The following LARS2 variants were observed in gnomAD, a reference collection of about 807,000 sequenced individuals.
LARS2 encodes leucyl-tRNA synthetase 2, mitochondrial, also known as leucine--tRNA ligase, mitochondrial.
LARS2 carries 81 observed loss-of-function variants against 116.6 expected under a neutral mutation model. That is an observed-to-expected ratio of 0.69 (90% CI 0.58 to 0.84). LARS2 has a LOEUF of 0.84. Among genes scored for constraint, LARS2 ranks in the 40% least tolerant of loss-of-function variants. The pLI, the probability that LARS2 is intolerant of heterozygous loss-of-function variation, is 0.00. For missense variants in LARS2, 968 were observed against 1,114.5 expected, an observed-to-expected ratio of 0.87 and a Z score of 1.87; for synonymous variants, 396 against 407.2, an observed-to-expected ratio of 0.97 and a Z score of 0.33.
intron 4 of LARS2, among the ~76,000 whole-genome samples, chr3:45,415,984 C>G (rs1255435844): frequency 6.8e-6 from 1 of 147,330 alleles, no homozygotes; most frequent in Non-Finnish European, 1.5e-5. Flanking sequence ...TTACTTTTAT[C>G]CAGTCTCAAA....
At chr3:45,530,719 C>T (rs1320836870) in intron 20 of LARS2, among the ~76,000 whole-genome samples, 5 of 152,088 alleles carry the variant, frequency 3.3e-5, no homozygotes, top group Non-Finnish European at 7.3e-5. Flanking sequence ...GAAGTTATTC[C>T]ATCTTCCACT....
At chr3:45,430,080 C>T (rs1461696356) in intron 6 of LARS2, among the ~76,000 whole-genome samples, 1 of 130,512 alleles carries the variant, frequency 7.7e-6, no homozygotes. Flanking sequence ...GGCGCGATCT[C>T]GGCTCCCTGC....
intron 9 of LARS2, among the ~76,000 whole-genome samples, chr3:45,476,058 A>G (rs1699602970): frequency 1.1e-5 from 1 of 88,820 alleles, no homozygotes; most frequent in South Asian, 5.9e-4. Flanking sequence ...TTAGAAAAGT[A>G]GATGCCTTTT....
chr3:45,451,746 CATTGAT>C (rs1382957099), intron 7 of LARS2, among the ~76,000 whole-genome samples: 4 of 151,928 alleles, frequency 2.6e-5, no homozygotes, highest in Non-Finnish European at 5.9e-5. Flanking sequence ...TAAATAATGT[CATTGAT>C]ATTCTGATAG....
intron 10 of LARS2, among the ~76,000 whole-genome samples, chr3:45,482,120 C>A (rs996515169): frequency 1.3e-5 from 2 of 152,158 alleles, no homozygotes; most frequent in African/African-American, 2.4e-5. Flanking sequence ...GCTGCTTCTG[C>A]CTCTTTATTT....
At chr3:45,521,261 C>T (rs370677952) in intron 19 of LARS2, among the ~76,000 whole-genome samples, 5 of 152,220 alleles carry the variant, frequency 3.3e-5, no homozygotes, top group Admixed American at 6.5e-5. Flanking sequence ...GCCAAGATCA[C>T]GCCACTGCAC....
intron 4 of LARS2, among the ~76,000 whole-genome samples, chr3:45,415,783 G>A (rs1698403298): frequency 6.6e-6 from 1 of 150,442 alleles, no homozygotes; most frequent in Non-Finnish European, 1.5e-5. Context: ...GGGAGGTGGA[G>A]GTTACAGTGA....
intron 4 of LARS2, among the ~76,000 whole-genome samples, chr3:45,408,087 C>A (rs1320584267): frequency 6.6e-6 from 1 of 152,254 alleles, no homozygotes; most frequent in African/African-American, 2.4e-5. Flanking sequence ...CGTCCCCAGG[C>A]AATAACCTCT....
chr3:45,528,185 A>G (rs1700560266), intron 20 of LARS2, among the ~76,000 whole-genome samples: 1 of 152,018 alleles, frequency 6.6e-6, no homozygotes. Flanking sequence ...AAAAATTTTA[A>G]AATTATCTGG....
chr3:45,486,693 A>G (rs1208043004), intron 11 of LARS2, among the ~76,000 whole-genome samples: 1 of 152,250 alleles, frequency 6.6e-6, no homozygotes, highest in African/African-American at 2.4e-5. Context: ...ACTCTCTTCT[A>G]ACCATTTAAA....
At chr3:45,452,260 G>A (rs1360271929) in intron 7 of LARS2, among the ~76,000 whole-genome samples, 1 of 152,038 alleles carries the variant, frequency 6.6e-6, no homozygotes, top group Non-Finnish European at 1.5e-5. Flanking sequence ...TCCTTGTCTT[G>A]TTCCAGATCT....
rs990148115 is a variant in LARS2, at chr3:45,416,209, A to G, written c.364-1273A>G. On this transcript the variant is annotated intron_variant, in intron 4 of 21. Coordinates refer to ENST00000645846, the MANE Select transcript of LARS2 (RefSeq NM_015340.4). ...AGGCTGAGGCAGGAGAATTGCTTGA[A>G]CCCAGGAGACACTCCAATCTGGGCA... Among the ~76,000 whole-genome samples, 13 of 150,894 alleles carry G rather than the reference A, an allele frequency of 8.6e-5. No homozygotes were observed. In the South Asian group the frequency reaches 1.7e-3, roughly 20 times the overall value.
chr3:45,533,789 T>C (rs771887969), intron 20 of LARS2, among the ~76,000 whole-genome samples: 8 of 152,206 alleles, frequency 5.3e-5, no homozygotes, highest in Non-Finnish European at 1.0e-4. Flanking sequence ...CTGTCCTTCA[T>C]TTCTGTGACC....
At chr3:45,394,161 A>T (rs1698005028) in intron 2 of LARS2, among the ~76,000 whole-genome samples, 1 of 152,138 alleles carries the variant, frequency 6.6e-6, no homozygotes, top group Admixed American at 6.5e-5. Flanking sequence ...GCAACTTGTG[A>T]GGTTGCGCAG....
chr3:45,439,210 C>CTTTT lies in LARS2; in HGVS notation c.517-7655_517-7652dup, dbSNP rs575140221. Among the ~76,000 whole-genome samples the CTTTT allele has an allele frequency of 3.8e-4, 24 of 62,456 alleles. 3 individuals are homozygous for CTTTT. Among genetic ancestry groups the CTTTT allele is most frequent in the East Asian group, 1.2e-3 (2 of 1,732 alleles). The allele number at this position is 62,456 out of a possible 152,430, so 41.0% of individuals were successfully genotyped here. On this transcript the variant is annotated intron_variant, in intron 6 of 21. Transcript: ENST00000645846. ...AGAAATGAGCTGTCAGAAACTCTGG[C>CTTTT]TTTTTTTTTTTTTTTTTTTTTTTTT...
intron 13 of LARS2, 133 bp downstream of exon 13, chr3:45,491,933 C>A: frequency 1.2e-6 from 1 of 866,904 alleles, no homozygotes; most frequent in Non-Finnish European, 1.7e-6. Context: ...GGAAAGAACA[C>A]TGTGGGTCTT....
At chr3:45,452,207 G>A (rs945198250) in intron 7 of LARS2, among the ~76,000 whole-genome samples, 2 of 152,128 alleles carry the variant, frequency 1.3e-5, no homozygotes, top group African/African-American at 4.8e-5. Context: ...GCCCTGGTTA[G>A]GACTTCCAGT....
intron 4 of LARS2, among the ~76,000 whole-genome samples, chr3:45,404,938 C>G (rs1687232974): frequency 1.3e-5 from 2 of 152,144 alleles, no homozygotes; most frequent in Admixed American, 6.5e-5. Flanking sequence ...TACCATAAAT[C>G]CATCCCTCAA....
intron 20 of LARS2, among the ~76,000 whole-genome samples, chr3:45,532,933 C>T (rs891875477): frequency 2.0e-5 from 3 of 152,106 alleles, no homozygotes; most frequent in Non-Finnish European, 4.4e-5. Context: ...TGAACCACAG[C>T]GCCCGGCCAC....
Sources: gnomAD v4.1 joint callset for allele counts (sites outside exome capture counted in the v4.1 genomes callset) on GRCh38, gnomAD v4.1.1 for gene constraint, MANE v1.5 for transcripts, NCBI Gene and HGNC (gene_info 2026-07-23, HGNC 2026-07-21) for gene names.